The following KANK1 variants were observed in gnomAD, a reference collection of about 807,000 sequenced individuals.
KANK1 encodes the protein KN motif and ankyrin repeat domains 1.
KANK1 carries 109 observed loss-of-function variants against 106.2 expected under a neutral mutation model. That is an observed-to-expected ratio of 1.03 (90% CI 0.88 to 1.20). The LOEUF (loss-of-function observed/expected upper bound fraction) is 1.20. Among genes scored for constraint, KANK1 ranks in the 50% most tolerant of loss-of-function variants. The pLI is 0.00. For missense variants in KANK1, 2,399 were observed against 1,710.7 expected, an observed-to-expected ratio of 1.40 and a Z score of -7.10; for synonymous variants, 873 against 652.2, an observed-to-expected ratio of 1.34 and a Z score of -5.16.
chr9:559,565 C>G (rs778407011), intron 1 of KANK1, among the ~76,000 whole-genome samples: 30 of 152,278 alleles, frequency 2.0e-4, no homozygotes, highest in Admixed American at 7.2e-4. Context: ...CTGTATAAAC[C>G]TTAAACCTCT....
chr9:571,359 A>G (rs1054633058), intron 1 of KANK1, among the ~76,000 whole-genome samples: 1 of 152,236 alleles, frequency 6.6e-6, no homozygotes, highest in African/African-American at 2.4e-5. Flanking sequence ...CTTTGGCAAC[A>G]CGTGTTAATG....
Position 712,216 on chromosome 9 carries a change from G to A in KANK1, c.1450G>A (p.Glu484Lys). 1 of 1,614,162 alleles carries A rather than the reference G, an allele frequency of 6.2e-7. No individual in the cohort carries two copies. Among genetic ancestry groups the A allele is most frequent in the Non-Finnish European group, 8.5e-7 (1 of 1,180,016 alleles). ...VQLRETTHDREMTKLKQELQA... is the reference protein window; with the variant it reads ...VQLRETTHDRKMTKLKQELQA... ...GCTTAGAGAAACCACCCATGACCGGGAGATGACTAAACTGAAACAAGAGCT... is the reference window on the plus strand; with the variant it reads ...GCTTAGAGAAACCACCCATGACCGGAAGATGACTAAACTGAAACAAGAGCT... The change falls in exon 3 of 12, where the codon GAG (glutamate) becomes AAG (lysine). Residue 484 changes from glutamate to lysine, a missense_variant. Coordinates refer to ENST00000382297, the MANE Select transcript of KANK1 (RefSeq NM_015158.5).
intron 1 of KANK1, among the ~76,000 whole-genome samples, chr9:635,064 C>T (rs1316993798): frequency 6.6e-6 from 1 of 152,154 alleles, no homozygotes; most frequent in Non-Finnish European, 1.5e-5. Context: ...TGGTCCTTTA[C>T]AAACCAATCA....
intron 1 of KANK1, among the ~76,000 whole-genome samples, chr9:577,736 G>A (rs1384781643): frequency 2.0e-5 from 3 of 152,160 alleles, no homozygotes; most frequent in Non-Finnish European, 4.4e-5. Flanking sequence ...TCTGAGGGTA[G>A]GGCCCAGGAA....
chr9:581,327 C>T (rs1822096320), intron 1 of KANK1, among the ~76,000 whole-genome samples: 1 of 152,240 alleles, frequency 6.6e-6, no homozygotes, highest in Non-Finnish European at 1.5e-5. Context: ...CTATCTTAAA[C>T]AGACCCTTTA....
chr9:505,237 C>A (rs896339036), intron 1 of KANK1, among the ~76,000 whole-genome samples: 1 of 152,140 alleles, frequency 6.6e-6, no homozygotes, highest in African/African-American at 2.4e-5. Flanking sequence ...TTGCCCTTCG[C>A]GGGAGGGAGT....
At chr9:725,947 A>G (rs1421119495) in intron 3 of KANK1, among the ~76,000 whole-genome samples, 2 of 152,212 alleles carry the variant, frequency 1.3e-5, no homozygotes, top group Non-Finnish European at 2.9e-5. Flanking sequence ...AGTAATTTAT[A>G]AAGTATAATT....
chr9:632,741 G>C (rs765157194), intron 1 of KANK1, among the ~76,000 whole-genome samples: 29 of 152,252 alleles, frequency 1.9e-4, no homozygotes, highest in Middle Eastern at 3.4e-3. Context: ...CCAGGCTGTA[G>C]TGCAGTGGTG....
chr9:744,727 C>G (rs1836746264), intron 11 of KANK1, 138 bp downstream of exon 11: 1 of 1,549,114 alleles, frequency 6.5e-7, no homozygotes, highest in African/African-American at 1.4e-5. Context: ...CTTAAGAGTT[C>G]ATCCTTTCCG....
chr9:712,690 C>G lies in KANK1; in HGVS notation c.1924C>G (p.Pro642Ala). The change falls in exon 3 of 12, where the codon CCA becomes GCA. Residue 642 changes from proline (P) to alanine (A), a missense_variant. Physicochemically the swap from Pro to Ala is conservative, Grantham distance 27. Transcript: ENST00000382297. ...DCSVDVTVCS[P>A]KECASRGVNT... ...TTCTGTTGACGTGACCGTCTGCTCTCCAAAGGAGTGCGCCTCCCGGGGCGT... is the reference window on the plus strand; with the variant it reads ...TTCTGTTGACGTGACCGTCTGCTCTGCAAAGGAGTGCGCCTCCCGGGGCGT... 6.2e-7 allele frequency: 1 copy of G among 1,614,124 alleles called. No homozygotes were observed. The highest frequency in any genetic ancestry group is 1.1e-5 in the South Asian group (1 of 91,066).
chr9:665,478 A>G (rs1335123284), intron 1 of KANK1, among the ~76,000 whole-genome samples: 8 of 152,146 alleles, frequency 5.3e-5, no homozygotes, highest in African/African-American at 1.9e-4. Context: ...TTGGCTGCAA[A>G]TGGCATGGAT....
At chr9:566,044 G>A (rs764920494) in intron 1 of KANK1, among the ~76,000 whole-genome samples, 46 of 152,176 alleles carry the variant, frequency 3.0e-4, no homozygotes, top group Non-Finnish European at 3.7e-4. Context: ...AGGCTGCAGT[G>A]TCTGTTGTTG....
At chr9:505,661 C>G (rs762541253) in intron 1 of KANK1, among the ~76,000 whole-genome samples, 44 of 152,196 alleles carry the variant, frequency 2.9e-4, no homozygotes, top group Non-Finnish European at 5.0e-4. Flanking sequence ...AGGCCTTGGG[C>G]GAGTTGGCGT....
chr9:602,281 G>A (rs745714895), intron 1 of KANK1, among the ~76,000 whole-genome samples: 2 of 151,386 alleles, frequency 1.3e-5, no homozygotes, highest in Non-Finnish European at 2.9e-5. Context: ...TATTTTTTGA[G>A]ACGGAGTCTC....
At position 712,641 on chromosome 9, in the gene KANK1, G is replaced by A. The variant is rs755480634; in HGVS notation, c.1875G>A (p.Val625=). 2 of 1,614,062 alleles carry A rather than the reference G, an allele frequency of 1.2e-6. No individual in the cohort carries two copies. Among genetic ancestry groups the A allele is most frequent in the Non-Finnish European group, 1.7e-6 (2 of 1,180,052 alleles). The change falls in exon 3 of 12, where the codon GTG becomes GTA. Residue 625 remains valine (V), a synonymous_variant. Transcript: ENST00000382297. ...LLKTNLNLKE[V]RSIGCGDCSV... ...AGACAAACTTGAATCTCAAAGAAGT[G>A]CGGTCTATCGGTTGTGGAGATTGTT...
intron 5 of KANK1, chr9:732,099 G>C: frequency 3.6e-6 from 1 of 277,042 alleles, no homozygotes. Flanking sequence ...CATAAAGTAT[G>C]TTTTCTCATG....
chr9:501,786 C>G (rs181987161), upstream of KANK1, among the ~76,000 whole-genome samples: 73 of 152,286 alleles, frequency 4.8e-4, no homozygotes, highest in African/African-American at 1.7e-3. Context: ...TTCCTGGGCT[C>G]AAGCTATCCT....
At chr9:646,257 G>C (rs1469168871) in intron 1 of KANK1, among the ~76,000 whole-genome samples, 1 of 150,810 alleles carries the variant, frequency 6.6e-6, no homozygotes, top group Non-Finnish European at 1.5e-5. Context: ...TGTGATTTGG[G>C]AGGCCAAGGC....
chr9:483,067 TGGCCCAAA>T (rs372364853), intron 3 of KANK1, among the ~76,000 whole-genome samples: 22 of 152,330 alleles, frequency 1.4e-4, no homozygotes, highest in African/African-American at 5.3e-4. Context: ...TACTTAATAA[TGGCCCAAA>T]GAGTAATGAG....
Sources: gnomAD v4.1 joint callset for allele counts (sites outside exome capture counted in the v4.1 genomes callset) on GRCh38, gnomAD v4.1.1 for gene constraint, MANE v1.5 for transcripts, NCBI Gene and HGNC (gene_info 2026-07-23, HGNC 2026-07-21) for gene names.